Variants in EPS8 observed in about 807,000 individuals in gnomAD.
EPS8 encodes the protein epidermal growth factor receptor kinase substrate 8.
EPS8 carries 42 observed loss-of-function variants against 103.8 expected under a neutral mutation model. The ratio of observed to expected loss-of-function variants is 0.40; its 90% CI spans 0.32 to 0.52. EPS8 has a LOEUF of 0.52. Among genes scored for constraint, EPS8 ranks in the 20% least tolerant of loss-of-function variants. The pLI is 0.40. For missense variants in EPS8, 969 were observed against 1,005.1 expected, an observed-to-expected ratio of 0.96 and a Z score of 0.49; for synonymous variants, 344 against 344.6, an observed-to-expected ratio of 1.00 and a Z score of 0.02.
intron 1 of EPS8, among the ~76,000 whole-genome samples, chr12:15,766,005 A>G (rs113615846): frequency 5.3e-5 from 8 of 151,264 alleles, no homozygotes; most frequent in African/African-American, 1.7e-4. Context: ...TAGTAGAGAC[A>G]GGGTTTCACC....
chr12:15,720,625 T>A (rs1185986344), intron 1 of EPS8, among the ~76,000 whole-genome samples: 2 of 152,222 alleles, frequency 1.3e-5, no homozygotes, highest in Admixed American at 1.3e-4. Context: ...TGTTATTTAC[T>A]TAGAACGCTT....
chr12:15,684,540 A>G lies in EPS8; in HGVS notation c.-21-1568T>C, dbSNP rs910000535. Among the ~76,000 whole-genome samples, 13 of 152,220 alleles carry G rather than the reference A, an allele frequency of 8.5e-5. No homozygotes were observed. Among genetic ancestry groups the G allele is most frequent in the African/African-American group, 2.7e-4 (11 of 41,456 alleles). On this transcript the variant is annotated intron_variant, in intron 1 of 20. Transcript: ENST00000281172. The surrounding 1 kb of genome is among the most constrained non-coding windows in gnomAD (Gnocchi z 4.9). Reference sequence around the variant, plus strand: ...TTTATTCAAAGAAAGAAAGAAGGAAATCCATGTCCCACTCTTCAAAGAGTT... The same window carrying G: ...TTTATTCAAAGAAAGAAAGAAGGAAGTCCATGTCCCACTCTTCAAAGAGTT...
At chr12:15,773,134 C>T (rs2136045418) in intron 1 of EPS8, among the ~76,000 whole-genome samples, 1 of 152,202 alleles carries the variant, frequency 6.6e-6, no homozygotes, top group South Asian at 2.1e-4. Context: ...TGTTAAGAGA[C>T]TATGTTCCAT....
At chr12:15,689,501 T>G (rs1036844500) in intron 1 of EPS8, among the ~76,000 whole-genome samples, 2 of 152,236 alleles carry the variant, frequency 1.3e-5, no homozygotes, top group African/African-American at 4.8e-5. Flanking sequence ...AGTTTTGTTT[T>G]GTTTTTAATT....
chr12:15,734,554 C>T lies in EPS8; in HGVS notation c.-21-51582G>A, dbSNP rs755081666. On this transcript the variant is annotated intron_variant, in intron 1 of 20. Coordinates refer to ENST00000281172, the MANE Select transcript of EPS8 (RefSeq NM_004447.6). This position sits in a 1 kb window ranked among gnomAD's most constrained non-coding sequence, Gnocchi z 4.1. ...CTAAAAATACAAAGAATTAGCCGGG[C>T]ATGGTGGTGGGCGCCTGTGGTCCCA... 2.0e-5 allele frequency among the ~76,000 whole-genome samples: 3 copies of T among 152,012 alleles called. No individual in the cohort carries two copies. The highest frequency in any genetic ancestry group is 4.4e-5 in the Non-Finnish European group (3 of 68,012).
chr12:15,740,564 A>AAAATAAATAAAT (rs60477147), intron 1 of EPS8, among the ~76,000 whole-genome samples: 1 of 149,404 alleles, frequency 6.7e-6, no homozygotes, highest in African/African-American at 2.4e-5. Flanking sequence ...AAAAATAATA[A>AAAATAAATAAAT]AAATAAATAA....
chr12:15,732,030 T>C (rs761690700), intron 1 of EPS8, among the ~76,000 whole-genome samples: 1 of 152,206 alleles, frequency 6.6e-6, no homozygotes, highest in Non-Finnish European at 1.5e-5. Flanking sequence ...TGCCTACTCC[T>C]GAGAGTAGGT....
intron 7 of EPS8, among the ~76,000 whole-genome samples, chr12:15,666,214 T>C (rs1222789432): frequency 6.6e-6 from 1 of 152,172 alleles, no homozygotes; most frequent in Non-Finnish European, 1.5e-5. Context: ...CATGACTCTG[T>C]GACTTCCAAC....
At chr12:15,669,076 T>C (rs1287024213) in intron 6 of EPS8, among the ~76,000 whole-genome samples, 1 of 152,160 alleles carries the variant, frequency 6.6e-6, no homozygotes, top group Non-Finnish European at 1.5e-5. Flanking sequence ...ACCTTTTTAG[T>C]AGAGACTGGG....
chr12:15,653,361 T>C (rs1367013674), intron 13 of EPS8, among the ~76,000 whole-genome samples: 8 of 152,220 alleles, frequency 5.3e-5, no homozygotes, highest in Non-Finnish European at 8.8e-5. Context: ...CTCTTTAGCA[T>C]GGCACTGAAA....
intron 19 of EPS8, among the ~76,000 whole-genome samples, chr12:15,623,488 T>A (rs1944894036): frequency 6.6e-6 from 1 of 152,154 alleles, no homozygotes; most frequent in African/African-American, 2.4e-5. Flanking sequence ...CTATACAGAT[T>A]ATTAATTACA....
chr12:15,753,221 G>T (rs1946951622), intron 1 of EPS8, among the ~76,000 whole-genome samples: 1 of 152,046 alleles, frequency 6.6e-6, no homozygotes, highest in African/African-American at 2.4e-5. Flanking sequence ...ATTCCGAGAT[G>T]TTTCTTGTTA....
At position 15,623,140 on chromosome 12, in the gene EPS8, T is replaced by A; in HGVS notation, c.2355+18A>T. ...TTCAATTTGCAGAAAAACACCACCTTAGGTTGACAAGTCATACCTCCAATG... is the reference window on the plus strand; with the variant it reads ...TTCAATTTGCAGAAAAACACCACCTAAGGTTGACAAGTCATACCTCCAATG... On this transcript the variant is annotated intron_variant, in intron 20 of 20. Coordinates refer to ENST00000281172, the MANE Select transcript of EPS8 (RefSeq NM_004447.6). The A allele has an allele frequency of 6.3e-7, 1 of 1,595,208 alleles. No individual in the cohort carries two copies. The highest frequency in any genetic ancestry group is 8.5e-7 in the Non-Finnish European group (1 of 1,174,494).
At chr12:15,653,354 T>C (rs1051333323) in intron 13 of EPS8, among the ~76,000 whole-genome samples, 2 of 152,188 alleles carry the variant, frequency 1.3e-5, no homozygotes, top group African/African-American at 4.8e-5. Flanking sequence ...ACTCTAACTC[T>C]TTAGCATGGC....
In EPS8 at chr12:15,784,259, G is replaced by A. The variant is rs193228794; in HGVS notation, c.-22+4902C>T. Among the ~76,000 whole-genome samples, 64 of 152,198 alleles carry A rather than the reference G, an allele frequency of 4.2e-4. No individual in the cohort carries two copies. Among genetic ancestry groups the A allele is most frequent in the African/African-American group, 1.5e-3 (64 of 41,530 alleles). On this transcript the variant is annotated intron_variant, in intron 1 of 20. Transcript: ENST00000281172. This position sits in a 1 kb window ranked among gnomAD's most constrained non-coding sequence, Gnocchi z 4.0. ...AAAACACATATCTGATAAAGTGCCTGTATACAAAATGTATAAAGAACTCTT... is the reference window on the plus strand; with the variant it reads ...AAAACACATATCTGATAAAGTGCCTATATACAAAATGTATAAAGAACTCTT...
chr12:15,671,537 A>T (rs1945818092), intron 3 of EPS8, among the ~76,000 whole-genome samples: 1 of 152,152 alleles, frequency 6.6e-6, no homozygotes, highest in African/African-American at 2.4e-5. Context: ...TAGGAAAAAC[A>T]AGAAAGTCAG....
chr12:15,726,593 A>G (rs1946655651), intron 1 of EPS8, among the ~76,000 whole-genome samples: 1 of 152,232 alleles, frequency 6.6e-6, no homozygotes, highest in African/African-American at 2.4e-5. Flanking sequence ...ACTTACATAC[A>G]TACACATGGA....
chr12:15,742,474 A>G (rs1946835146), intron 1 of EPS8, among the ~76,000 whole-genome samples: 1 of 152,170 alleles, frequency 6.6e-6, no homozygotes, highest in South Asian at 2.1e-4. Flanking sequence ...AGAATTTTAG[A>G]CCAATATCCC....
At position 15,647,207 on chromosome 12, in the gene EPS8, G is replaced by A; in HGVS notation, c.1488C>T (p.Asn496=). The change falls in exon 15 of 21, where the codon AAC becomes AAT. Residue 496 remains asparagine (N), a synonymous_variant. Transcript: ENST00000281172. ...HPADGYAFSS[N]IYTRGSHLDQ... is the part of the protein sequence containing the mutation. ...CCAGGTGGGATCCTCTTGTGTAAATGTTGCTACTGAACGCATAGCCATCGG... is the reference window on the plus strand; with the variant it reads ...CCAGGTGGGATCCTCTTGTGTAAATATTGCTACTGAACGCATAGCCATCGG... 6.2e-7 allele frequency: 1 copy of A among 1,613,864 alleles called. No individual in the cohort carries two copies. Among genetic ancestry groups the A allele is most frequent in the Non-Finnish European group, 8.5e-7 (1 of 1,179,800 alleles).
Sources: gnomAD v4.1 joint callset for allele counts (sites outside exome capture counted in the v4.1 genomes callset) on GRCh38, gnomAD v4.1.1 for gene constraint, Gnocchi (gnomAD v3.1) non-coding constraint, MANE v1.5 for transcripts, NCBI Gene and HGNC (gene_info 2026-07-23, HGNC 2026-07-21) for gene names.